Variants in GJA3 observed in about 807,000 individuals in gnomAD.
GJA3 encodes gap junction alpha-3 protein.
For synonymous variants in GJA3, 297 were observed against 292.6 expected (o/e 1.02, Z -0.15); for missense variants, 571 against 620.3 (o/e 0.92, Z 0.84).
chr13:20,145,530 C>T (rs1958836647), intron 1 of GJA3, among the ~76,000 whole-genome samples: 1 of 152,224 alleles, frequency 6.6e-6, no homozygotes, highest in South Asian at 2.1e-4. Flanking sequence ...CTCCAAGTGT[C>T]CCTCTGGGCT....
At chr13:20,160,517 C>T (rs1348308973) in intron 1 of GJA3, among the ~76,000 whole-genome samples, 1 of 152,154 alleles carries the variant, frequency 6.6e-6, no homozygotes, top group Non-Finnish European at 1.5e-5. Context: ...CCTGACGGTC[C>T]GGGACAGCCC....
At chr13:20,152,348 C>T (rs1958883482) in intron 1 of GJA3, among the ~76,000 whole-genome samples, 1 of 152,152 alleles carries the variant, frequency 6.6e-6, no homozygotes, top group African/African-American at 2.4e-5. Flanking sequence ...ATTTGTACCA[C>T]ACTTGATTCC....
rs139067312 is a variant in GJA3, at chr13:20,142,870, C to A, written c.419G>T (p.Arg140Leu). ...GGTCCGCAGCAGCGCCCCGGCCATG[C>A]GCACCCTGCCGCGGTCGTCCCGCGA... ...PSSRDDRGRV[R>L]MAGALLRTYV... The change falls in exon 2 of 2, where the codon CGC (arginine) becomes CTC (leucine). Residue 140 changes from arginine (R) to leucine (L), a missense_variant. Coordinates refer to ENST00000241125, the MANE Select transcript of GJA3 (RefSeq NM_021954.4). 10 of 1,607,568 alleles carry A rather than the reference C, an allele frequency of 6.2e-6. No individual in the cohort carries two copies. The African/African-American group carries it at 1.1e-4, about 17-fold the overall frequency.
At chr13:20,152,942 A>G (rs1377240651) in intron 1 of GJA3, among the ~76,000 whole-genome samples, 1 of 152,200 alleles carries the variant, frequency 6.6e-6, no homozygotes, top group African/African-American at 2.4e-5. Context: ...CTACGAGGGC[A>G]TGGTGAGCTG....
intron 1 of GJA3, among the ~76,000 whole-genome samples, chr13:20,149,268 G>A (rs931752091): frequency 2.0e-5 from 3 of 152,074 alleles, no homozygotes; most frequent in Non-Finnish European, 2.9e-5. Flanking sequence ...CCAAGCAGGA[G>A]GATCTCTTGA....
chr13:20,146,191 C>T (rs1013799381), intron 1 of GJA3, among the ~76,000 whole-genome samples: 2 of 152,222 alleles, frequency 1.3e-5, no homozygotes, highest in African/African-American at 4.8e-5. Context: ...GCCTGGCTGG[C>T]TCCCCACACA....
rs776149190 is a variant in GJA3, at chr13:20,143,012, G to C, written c.277C>G (p.Leu93Val). Residue 93 changes from leucine to valine, a missense_variant, in exon 2 of 2, where the codon CTG becomes GTG. Physicochemically the swap from Leu to Val is conservative, Grantham distance 32. Transcript: ENST00000241125. The part of the protein sequence containing the change: ...IFVSTPTLIY[L>V]GHVLHIVRME... Reference sequence around the variant, plus strand: ...CGCACGATGTGCAGCACGTGGCCCAGGTAGATGAGGGTGGGCGTGGACACG... The same window carrying C: ...CGCACGATGTGCAGCACGTGGCCCACGTAGATGAGGGTGGGCGTGGACACG... 25 of 1,609,536 alleles carry C rather than the reference G, an allele frequency of 1.6e-5. No individual in the cohort carries two copies. The highest frequency in any genetic ancestry group is 1.2e-4 in the South Asian group (11 of 90,344).
At chr13:20,161,290 C>T (rs890623291), upstream of GJA3, among the ~76,000 whole-genome samples, 2 of 152,168 alleles carry the variant, frequency 1.3e-5, no homozygotes, top group African/African-American at 2.4e-5. Flanking sequence ...GGGATGTGGA[C>T]GCGGGGGCTC....
rs1958794384 is a variant in GJA3 at position 20,139,345 on chromosome 13, A to T, written c.*2636T>A. ...ATTTTTTAAAACTTTCTAATGAATC[A>T]AGAACAAAATAGTTTCAGTGAAATT... On this transcript the variant is annotated 3_prime_UTR_variant, in exon 2 of 2. Coordinates refer to ENST00000241125, the MANE Select transcript of GJA3 (RefSeq NM_021954.4). 1 of 152,152 alleles carries T rather than the reference A, an allele frequency of 6.6e-6. No homozygotes were observed. Among genetic ancestry groups the T allele is most frequent in the African/African-American group, 2.4e-5 (1 of 41,434 alleles). The allele number at this position is 152,152 out of a possible 1,614,324, so 9.4% of individuals were successfully genotyped here. A position where few individuals can be genotyped will look rare whatever the true frequency, so the allele number is the denominator to read the frequency against.
chr13:20,143,207 C>T lies in GJA3; in HGVS notation c.82G>A (p.Val28Met), dbSNP rs1555339539. 6.3e-7 allele frequency: 1 copy of T among 1,581,928 alleles called. No individual in the cohort carries two copies. ...ACCAAGATGCGGAAGATGAACAGCA[C>T]GGTCAGCCAAACCTTGCCGATGACC... is the stretch of plus-strand genomic sequence containing the variant. ...STVIGKVWLT[V>M]LFIFRILVLG... Residue 28 changes from valine to methionine, a missense_variant, in exon 2 of 2, where the codon GTG becomes ATG. Val to Met is a conservative substitution (Grantham distance 21, BLOSUM62 1). Coordinates refer to ENST00000241125, the MANE Select transcript of GJA3 (RefSeq NM_021954.4).
intron 1 of GJA3, among the ~76,000 whole-genome samples, chr13:20,150,882 C>T (rs1374558521): frequency 6.6e-6 from 1 of 151,800 alleles, no homozygotes; most frequent in East Asian, 2.0e-4. Flanking sequence ...AAGGCCTGTC[C>T]ACCTCACAGG....
chr13:20,142,923 G>A lies in GJA3; in HGVS notation c.366C>T (p.Pro122=), dbSNP rs1300194051. ...AGGGATTGTCCTGCGGTGGCTCCTT[G>A]GGGCTGGGGCTCTCTCTCTTCAGCT... is the stretch of plus-strand genomic sequence containing the variant. ...EEQLKRESPS[P]KEPPQDNPSS... Residue 122 remains proline, a synonymous_variant, in exon 2 of 2, where the codon CCC becomes CCT. Transcript: ENST00000241125. The A allele has an allele frequency of 6.3e-7, 1 of 1,579,424 alleles. No homozygotes were observed. The highest frequency in any genetic ancestry group is 2.3e-5 in the East Asian group (1 of 42,702).
intron 1 of GJA3, among the ~76,000 whole-genome samples, chr13:20,151,196 T>A (rs1958875174): frequency 6.6e-6 from 1 of 152,042 alleles, no homozygotes; most frequent in Non-Finnish European, 1.5e-5. Context: ...TCCAGAGTGC[T>A]GACAAGACTC....
chr13:20,151,857 A>G (rs1354518910), intron 1 of GJA3, among the ~76,000 whole-genome samples: 1 of 152,134 alleles, frequency 6.6e-6, no homozygotes. Flanking sequence ...CTATGGGGGC[A>G]GGGGCAAACG....
intron 1 of GJA3, among the ~76,000 whole-genome samples, chr13:20,156,436 A>C (rs1958907505): frequency 6.6e-6 from 1 of 152,142 alleles, no homozygotes; most frequent in Non-Finnish European, 1.5e-5. Context: ...CCTCCCAAGT[A>C]GCTGGGATTA....
At chr13:20,153,039 C>T (rs1958887654) in intron 1 of GJA3, among the ~76,000 whole-genome samples, 3 of 152,172 alleles carry the variant, frequency 2.0e-5, no homozygotes, top group Non-Finnish European at 2.9e-5. Flanking sequence ...GACTGTCTTC[C>T]ATTAGCCTCT....
intron 1 of GJA3, among the ~76,000 whole-genome samples, chr13:20,150,138 A>G (rs1189005040): frequency 1.3e-5 from 2 of 152,204 alleles, no homozygotes; most frequent in Admixed American, 1.3e-4. Context: ...CGGGAAAATG[A>G]TGGCACCGTT....
rs200588691 is a variant in GJA3 at position 20,142,290 on chromosome 13, G to C, written c.999C>G (p.Ala333=). ...CCTTGAGCGCCGGGGGCTGCCGCTC[G>C]GCCGCCTGGTTGGCCCAGTTCTGCT... is the stretch of plus-strand genomic sequence containing the variant. ...MTEQNWANQA[A]ERQPPALKAY... Residue 333 remains alanine, a synonymous_variant, in exon 2 of 2, where the codon GCC becomes GCG. Coordinates refer to ENST00000241125, the MANE Select transcript of GJA3 (RefSeq NM_021954.4). 2 of 1,568,596 alleles carry C rather than the reference G, an allele frequency of 1.3e-6. No homozygotes were observed. Among genetic ancestry groups the C allele is most frequent in the Non-Finnish European group, 1.7e-6 (2 of 1,159,414 alleles).
At chr13:20,156,358 G>C (rs998558702) in intron 1 of GJA3, among the ~76,000 whole-genome samples, 3 of 152,102 alleles carry the variant, frequency 2.0e-5, no homozygotes, top group African/African-American at 7.2e-5. Context: ...CCAGGCTGGA[G>C]TGGAGTGGCA....
Sources: allele counts gnomAD v4.1 joint callset (sites outside exome capture counted in the v4.1 genomes callset), GRCh38; gene constraint gnomAD v4.1.1; transcripts MANE v1.5; gene names NCBI Gene and HGNC (gene_info 2026-07-23, HGNC 2026-07-21).